MAPK10: variants seen among roughly 807,000 people sequenced by gnomAD.
MAPK10 encodes the protein JNK3 alpha protein kinase.
A neutral mutation model predicts 59.3 loss-of-function variants in MAPK10; 25 were observed. The observed-to-expected ratio is 0.42, with a 90% CI of 0.31 to 0.59. MAPK10 has a LOEUF of 0.59. MAPK10 is among the 20% of genes least tolerant of loss of function. The pLI is 0.15. For missense variants in MAPK10, 351 were observed against 568.9 expected, an observed-to-expected ratio of 0.62 and a Z score of 3.90; for synonymous variants, 190 against 200.5, an observed-to-expected ratio of 0.95 and a Z score of 0.44.
upstream of MAPK10, among the ~76,000 whole-genome samples, chr4:86,456,735 A>G (rs1751269183): frequency 6.6e-6 from 1 of 152,240 alleles, no homozygotes; most frequent in African/African-American, 2.4e-5. Flanking sequence ...CATTCAAAGA[A>G]GAATTGATAC....
chr4:86,357,536 T>C (rs975813748), intron 1 of MAPK10: 9 of 152,202 alleles, frequency 5.9e-5, no homozygotes, highest in African/African-American at 1.9e-4. Context: ...TTAAAATATC[T>C]ACATTTTATA....
At chr4:86,019,437 T>G (rs1313349631) in intron 13 of MAPK10, among the ~76,000 whole-genome samples, 1 of 152,164 alleles carries the variant, frequency 6.6e-6, no homozygotes, top group African/African-American at 2.4e-5. Context: ...AGTTATAATA[T>G]TCCATAATAT....
intron 3 of MAPK10, among the ~76,000 whole-genome samples, chr4:86,190,119 C>T (rs926484701): frequency 1.7e-4 from 26 of 152,082 alleles, no homozygotes; most frequent in Non-Finnish European, 2.9e-5. Flanking sequence ...GGTAGATAAG[C>T]TTTTTGATGT....
chr4:86,135,025 G>C (rs751443046), intron 4 of MAPK10, among the ~76,000 whole-genome samples: 10 of 152,202 alleles, frequency 6.6e-5, no homozygotes, highest in East Asian at 3.9e-4. Context: ...CACGTGGCTC[G>C]GAGGGTCCTA....
chr4:86,100,931 G>T (rs968545731), intron 8 of MAPK10, 121 bp downstream of exon 8: 39 of 769,032 alleles, frequency 5.1e-5, no homozygotes, highest in Non-Finnish European at 7.2e-5. Context: ...CCCTGAATAT[G>T]CTATCTGGCA....
At chr4:86,502,572 T>C (rs1755409133) in intron 1 of MAPK10, among the ~76,000 whole-genome samples, 5 of 152,226 alleles carry the variant, frequency 3.3e-5, no homozygotes, top group East Asian at 3.9e-4. Context: ...CACTGTAATA[T>C]GGCCCATCAA....
intron 4 of MAPK10, among the ~76,000 whole-genome samples, chr4:86,139,367 G>A (rs1276082833): frequency 6.6e-6 from 1 of 151,084 alleles, no homozygotes; most frequent in Non-Finnish European, 1.5e-5. Context: ...AGAGCCCTCA[G>A]AAATAACGCC....
At chr4:86,115,581 C>A (rs1187767545) in intron 4 of MAPK10, among the ~76,000 whole-genome samples, 1 of 152,180 alleles carries the variant, frequency 6.6e-6, no homozygotes, top group Non-Finnish European at 1.5e-5. Flanking sequence ...CCTGCCTCAG[C>A]CTCCTGAGTA....
At chr4:86,297,013 GCCTGC>G (rs1463342523) in intron 2 of MAPK10, among the ~76,000 whole-genome samples, 1 of 152,098 alleles carries the variant, frequency 6.6e-6, no homozygotes, top group Non-Finnish European at 1.5e-5. Context: ...GGACTGCCTG[GCCTGC>G]CCTCAGAGGT....
intron 9 of MAPK10, among the ~76,000 whole-genome samples, chr4:86,068,196 A>G (rs1228304047): frequency 6.6e-6 from 1 of 152,208 alleles, no homozygotes; most frequent in African/African-American, 2.4e-5. Context: ...ATAAGATATC[A>G]TGAAATAGTC....
At chr4:86,421,801 T>G (rs1027216227) in intron 1 of MAPK10, among the ~76,000 whole-genome samples, 5 of 152,182 alleles carry the variant, frequency 3.3e-5, no homozygotes, top group Admixed American at 6.5e-5. Context: ...GTGCCGCTCC[T>G]CTGATGAAAT....
At chr4:86,363,788 ACT>A (rs1737377777), upstream of MAPK10, among the ~76,000 whole-genome samples, 1 of 151,864 alleles carries the variant, frequency 6.6e-6, no homozygotes, top group African/African-American at 2.4e-5. Flanking sequence ...GTTAAATAAA[ACT>A]CTTTTTTTTT....
In MAPK10 at chr4:86,206,824, G is replaced by T. The variant is rs1391907865; in HGVS notation, c.-6-12417C>A. 3.4e-3 allele frequency among the ~76,000 whole-genome samples: 514 copies of T among 152,188 alleles called. 3 individuals are homozygous for T. Among genetic ancestry groups the T allele is most frequent in the African/African-American group, 0.012 (486 of 41,500 alleles). On this transcript the variant is annotated intron_variant, in intron 2 of 13. Transcript: ENST00000641462. ...ATGATGAGCATTTTTTCATGTGTTT[G>T]TTGGCTGCATAAATGTCTTCTTTTG... is the stretch of plus-strand genomic sequence containing the variant.
At chr4:86,507,031 CAT>C (rs1307338136) in intron 1 of MAPK10, among the ~76,000 whole-genome samples, 1 of 151,990 alleles carries the variant, frequency 6.6e-6, no homozygotes, top group Non-Finnish European at 1.5e-5. Context: ...AAAAATAAAA[CAT>C]ATATGATAAA....
In MAPK10 at chr4:86,431,598, C is replaced by A. The variant is rs183370727; in HGVS notation, c.-122+21432G>T. Among the ~76,000 whole-genome samples, 68 of 152,274 alleles carry A rather than the reference C, an allele frequency of 4.5e-4. 1 individual carries two copies. The highest frequency in any genetic ancestry group is 1.6e-3 in the African/African-American group (65 of 41,556). On this transcript the variant is annotated intron_variant, in intron 1 of 13. Coordinates refer to the MAPK10 transcript ENST00000361569. ...GTATCAACTAAATTAGAAAGAGGAG[C>A]TTTACTCCTTGTTAAAGTTTGCAGC...
rs181499614 is a variant in MAPK10 at position 86,285,494 on chromosome 4, T to C, written c.-7+69036A>G. 2.5e-3 allele frequency among the ~76,000 whole-genome samples: 376 copies of C among 152,146 alleles called. 2 individuals are homozygous for C. Among genetic ancestry groups the C allele is most frequent in the African/African-American group, 8.7e-3 (361 of 41,516 alleles). Reference sequence around the variant, plus strand: ...CCTCCCAAAGTGCTGGGATTACAGGTGTGAGCCACCGTGCCTGGCCTCTAA... The same window carrying C: ...CCTCCCAAAGTGCTGGGATTACAGGCGTGAGCCACCGTGCCTGGCCTCTAA... On this transcript the variant is annotated intron_variant, in intron 2 of 13. Coordinates refer to ENST00000641462, the MANE Select transcript of MAPK10 (RefSeq NM_138982.4).
chr4:86,169,609 G>GA (rs2073329498), intron 3 of MAPK10, among the ~76,000 whole-genome samples: 1 of 152,010 alleles, frequency 6.6e-6, no homozygotes, highest in Non-Finnish European at 1.5e-5. Context: ...GAAAGTGACT[G>GA]GGAGAATGGA....
chr4:86,291,855 G>A (rs1033554523), intron 2 of MAPK10, among the ~76,000 whole-genome samples: 11 of 152,130 alleles, frequency 7.2e-5, no homozygotes, highest in Non-Finnish European at 1.2e-4. Flanking sequence ...GGAGTCAAGT[G>A]TAAACTAATT....
At chr4:86,500,850 G>A (rs181747909) in intron 1 of MAPK10, among the ~76,000 whole-genome samples, 2 of 152,010 alleles carry the variant, frequency 1.3e-5, no homozygotes, top group East Asian at 1.9e-4. Context: ...AATAGTTATG[G>A]ATACACATTA....
Sources: allele counts gnomAD v4.1 joint callset (sites outside exome capture counted in the v4.1 genomes callset), GRCh38; gene constraint gnomAD v4.1.1; transcripts MANE v1.5; gene names NCBI Gene and HGNC (gene_info 2026-07-23, HGNC 2026-07-21).